Variants in GRIN2B observed in about 807,000 individuals in gnomAD.
The protein encoded by GRIN2B is glutamate ionotropic receptor NMDA type subunit 2B, also known as glutamate receptor ionotropic, NMDA 2B.
GRIN2B carries 5 observed loss-of-function variants against 114.5 expected under a neutral mutation model. The ratio of observed to expected loss-of-function variants is 0.04; its 90% CI spans 0.02 to 0.09. GRIN2B has a LOEUF of 0.09. Among genes scored for constraint, GRIN2B ranks in the 10% least tolerant of loss-of-function variants. GRIN2B has a pLI of 1.00. For missense variants in GRIN2B, 1,108 were observed against 1,943.5 expected (o/e 0.57, Z 8.08); for synonymous variants, 787 against 745.1 (o/e 1.06, Z -0.92).
chr12:13,755,368 C>T (rs1446646517), intron 3 of GRIN2B, among the ~76,000 whole-genome samples: 2 of 152,170 alleles, frequency 1.3e-5, no homozygotes, highest in African/African-American at 4.8e-5. Flanking sequence ...TCTGCCTGGG[C>T]TATTTGTTCT....
In GRIN2B at chr12:13,564,660, C is replaced by T. The variant is rs750668849; in HGVS notation, c.2599-21G>A. On this transcript the variant is annotated intron_variant, in intron 13 of 13. Transcript: ENST00000609686. The surrounding 1 kb of genome is among the most constrained non-coding windows in gnomAD (Gnocchi z 4.8). ...ATACCCTGAAGCAAGAATGGAGGGA[C>T]AGGTTAGATCTCCAGAGAGGCTAGA... is the stretch of plus-strand genomic sequence containing the variant. 1 of 1,609,294 alleles carries T rather than the reference C, an allele frequency of 6.2e-7. No homozygotes were observed. Among genetic ancestry groups the T allele is most frequent in the Admixed American group, 1.7e-5 (1 of 60,012 alleles).
intron 5 of GRIN2B, among the ~76,000 whole-genome samples, chr12:13,658,113 A>T (rs1949884899): frequency 6.6e-6 from 1 of 152,006 alleles, no homozygotes; most frequent in South Asian, 2.1e-4. Flanking sequence ...AGGCTGAGGC[A>T]GGAGAATCAC....
intron 5 of GRIN2B, among the ~76,000 whole-genome samples, chr12:13,657,444 G>A (rs1168265074): frequency 2.0e-5 from 3 of 152,202 alleles, no homozygotes; most frequent in Admixed American, 6.5e-5. Context: ...AATCCCAGGA[G>A]GGCAGTGCTT....
At chr12:13,677,553 T>C (rs1950087071) in intron 4 of GRIN2B, among the ~76,000 whole-genome samples, 1 of 152,158 alleles carries the variant, frequency 6.6e-6, no homozygotes, top group Non-Finnish European at 1.5e-5. Context: ...AATCTTAGAA[T>C]TGAAAGAGAT....
At position 13,616,492 on chromosome 12, in the gene GRIN2B, T is replaced by G; in HGVS notation, c.1291A>C (p.Arg431=). The G allele has an allele frequency of 3.1e-6, 5 of 1,614,068 alleles. No individual in the cohort carries two copies. The highest frequency in any genetic ancestry group is 4.2e-6 in the Non-Finnish European group (5 of 1,179,944). Residue 431 remains arginine (R), a synonymous_variant, in exon 6 of 14, where the codon AGG becomes CGG. Coordinates refer to ENST00000609686, the MANE Select transcript of GRIN2B (RefSeq NM_000834.5). ...SVDPLSGTCM[R]NTVPCQKRIV... is the part of the protein sequence containing the mutation. Reference sequence around the variant, plus strand: ...CGTTTTTGGCAGGGGACTGTGTTCCTCATGCAGGTTCCACTCAGAGGGTCC... The same window carrying G: ...CGTTTTTGGCAGGGGACTGTGTTCCGCATGCAGGTTCCACTCAGAGGGTCC...
intron 10 of GRIN2B, among the ~76,000 whole-genome samples, chr12:13,576,854 A>C (rs913514798): frequency 1.3e-5 from 2 of 152,166 alleles, no homozygotes; most frequent in Non-Finnish European, 2.9e-5. Flanking sequence ...TGCTGGGCTC[A>C]GTACTCTTTA....
intron 3 of GRIN2B, among the ~76,000 whole-genome samples, chr12:13,773,185 T>G (rs539426050): frequency 6.6e-6 from 1 of 152,340 alleles, no homozygotes; most frequent in South Asian, 2.1e-4. Context: ...ATAAAGGAAC[T>G]GCGAGTCTTT....
At chr12:13,900,587 C>A (rs771504258) in intron 2 of GRIN2B, among the ~76,000 whole-genome samples, 1 of 152,166 alleles carries the variant, frequency 6.6e-6, no homozygotes, top group Non-Finnish European at 1.5e-5. Context: ...AAAAATGTCC[C>A]TGTGTGCCCT....
intron 3 of GRIN2B, among the ~76,000 whole-genome samples, chr12:13,763,310 T>C (rs1242265801): frequency 6.6e-6 from 1 of 152,182 alleles, no homozygotes; most frequent in Non-Finnish European, 1.5e-5. Flanking sequence ...ATTGGTGCAC[T>C]GATTGTGAAC....
chr12:13,793,699 T>G (rs1018825846), intron 3 of GRIN2B, among the ~76,000 whole-genome samples: 11 of 152,298 alleles, frequency 7.2e-5, no homozygotes, highest in African/African-American at 2.4e-4. Context: ...AGAAAGGCCT[T>G]TCTGGCTATT....
At chr12:13,825,636 C>T (rs913390821) in intron 3 of GRIN2B, among the ~76,000 whole-genome samples, 4 of 151,126 alleles carry the variant, frequency 2.6e-5, no homozygotes, top group Non-Finnish European at 4.4e-5. Context: ...CCTGCCTCTG[C>T]CTCCCGAGTA....
At chr12:13,701,950 T>C (rs1950316934) in intron 4 of GRIN2B, among the ~76,000 whole-genome samples, 1 of 152,244 alleles carries the variant, frequency 6.6e-6, no homozygotes, top group African/African-American at 2.4e-5. Context: ...ACCAAGTAAG[T>C]TGAGTCTTTG....
intron 3 of GRIN2B, among the ~76,000 whole-genome samples, chr12:13,780,218 T>C (rs1565534510): frequency 6.6e-6 from 1 of 151,986 alleles, no homozygotes; most frequent in Non-Finnish European, 1.5e-5. Context: ...ATAGCCCAAG[T>C]ATAGGACAGT....
At chr12:13,617,256 G>A (rs1805539) in intron 5 of GRIN2B, among the ~76,000 whole-genome samples, 9 of 152,052 alleles carry the variant, frequency 5.9e-5, no homozygotes, top group African/African-American at 1.9e-4. Flanking sequence ...ACACTGTTTG[G>A]GAAGGGAGCA....
At chr12:13,948,368 G>A (rs138548293) in intron 2 of GRIN2B, among the ~76,000 whole-genome samples, 20 of 152,302 alleles carry the variant, frequency 1.3e-4, no homozygotes, top group Middle Eastern at 3.4e-3. Context: ...CCTCTGGGGG[G>A]ACTAAAGATG....
At chr12:13,799,926 T>G (rs1864477557) in intron 3 of GRIN2B, among the ~76,000 whole-genome samples, 1 of 152,150 alleles carries the variant, frequency 6.6e-6, no homozygotes, top group South Asian at 2.1e-4. Context: ...AAAACCTTGC[T>G]GCCTGCCTGG....
At position 13,928,587 on chromosome 12, in the gene GRIN2B, A is replaced by T. The variant is rs147791663; in HGVS notation, c.-19+51341T>A. Among the ~76,000 whole-genome samples, 432 of 152,370 alleles carry T rather than the reference A, an allele frequency of 2.8e-3. 2 individuals are homozygous for T. The highest frequency in any genetic ancestry group is 0.01 in the African/African-American group (422 of 41,584). The stretch of plus-strand genomic sequence containing the variant: ...GGATAAACTTGTAAGAAAAGTGGCT[A>T]AAGCTTAGAAAAAATGGTAAAAGAC... On this transcript the variant is annotated intron_variant, in intron 2 of 13. Coordinates refer to ENST00000609686, the MANE Select transcript of GRIN2B (RefSeq NM_000834.5).
chr12:13,775,943 T>C (rs1009144144), intron 3 of GRIN2B, among the ~76,000 whole-genome samples: 1 of 152,178 alleles, frequency 6.6e-6, no homozygotes, highest in Non-Finnish European at 1.5e-5. Flanking sequence ...CCCAAAGGAA[T>C]ATAAATCATT....
chr12:13,859,523 T>G (rs1190349658), intron 3 of GRIN2B, among the ~76,000 whole-genome samples: 1 of 152,208 alleles, frequency 6.6e-6, no homozygotes, highest in East Asian at 1.9e-4. Flanking sequence ...TAGAGAGCAC[T>G]GCCTACCCAT....
Sources: allele counts gnomAD v4.1 joint callset (sites outside exome capture counted in the v4.1 genomes callset), GRCh38; gene constraint gnomAD v4.1.1; non-coding constraint Gnocchi (gnomAD v3.1); transcripts MANE v1.5; gene names NCBI Gene and HGNC (gene_info 2026-07-23, HGNC 2026-07-21).